CPA6: variants seen among roughly 807,000 people sequenced by gnomAD.
CPA6 encodes carboxypeptidase B.
CPA6 carries 58 observed loss-of-function variants against 63.3 expected under a neutral mutation model. That is an observed-to-expected ratio of 0.92 (90% CI 0.74 to 1.14). The LOEUF (loss-of-function observed/expected upper bound fraction) is 1.14, where lower values mean the gene tolerates loss of function less well. CPA6 is among the 50% of genes most tolerant of loss of function. CPA6 has a pLI of 0.00. For synonymous variants in CPA6, 185 were observed against 179.0 expected (o/e 1.03, Z -0.27); for missense variants, 565 against 526.6 (o/e 1.07, Z -0.71).
At chr8:67,465,932 C>G (rs1477689711) in intron 8 of CPA6, among the ~76,000 whole-genome samples, 1 of 152,078 alleles carries the variant, frequency 6.6e-6, no homozygotes, top group African/African-American at 2.4e-5. Context: ...CATTGTGTCT[C>G]TGCCAGAATT....
rs1811714617 is a variant in CPA6, at chr8:67,496,519, T to TATATA, written c.636+10267_636+10268insTATAT. Among the ~76,000 whole-genome samples the TATATA allele has an allele frequency of 9.9e-4, 93 of 94,124 alleles. 1 individual carries two copies. The highest frequency in any genetic ancestry group is 4.3e-3 in the African/African-American group (87 of 20,046). 61.7% of individuals were successfully genotyped at this position (94,124 alleles called of 152,430 possible). On this transcript the variant is annotated intron_variant, in intron 6 of 10. Transcript: ENST00000297770. ...TGTGCAACCATCACCACTATATAGT[T>TATATA]TATATATATATATATATATATATAT...
intron 1 of CPA6, among the ~76,000 whole-genome samples, chr8:67,652,936 C>T (rs2128991656): frequency 6.6e-6 from 1 of 151,268 alleles, no homozygotes; most frequent in Non-Finnish European, 1.5e-5. Flanking sequence ...AGGAAGGGAT[C>T]CAGTTTCAGC....
intron 1 of CPA6, among the ~76,000 whole-genome samples, chr8:67,697,580 C>T (rs1816934081): frequency 6.6e-6 from 1 of 152,184 alleles, no homozygotes; most frequent in African/African-American, 2.4e-5. Flanking sequence ...AAATTCTCTT[C>T]CGCTTTACCT....
chr8:67,568,581 T>A (rs533139786), intron 2 of CPA6, among the ~76,000 whole-genome samples: 56 of 152,144 alleles, frequency 3.7e-4, no homozygotes, highest in African/African-American at 1.3e-3. Context: ...ATCAGTGAAC[T>A]CAGAGGCAGA....
chr8:67,461,639 C>G (rs997741280), intron 8 of CPA6, among the ~76,000 whole-genome samples: 1 of 152,176 alleles, frequency 6.6e-6, no homozygotes, highest in Non-Finnish European at 1.5e-5. Context: ...TAGGGGCGGC[C>G]GGGCAGAGGT....
At chr8:67,573,732 A>T (rs1157894025) in intron 2 of CPA6, among the ~76,000 whole-genome samples, 2 of 151,686 alleles carry the variant, frequency 1.3e-5, no homozygotes, top group Non-Finnish European at 2.9e-5. Flanking sequence ...CTCTACTAAA[A>T]ATACAAAAAA....
intron 4 of CPA6, among the ~76,000 whole-genome samples, 175 bp from the exon 5 acceptor site, chr8:67,509,793 A>G (rs572290787): frequency 6.6e-6 from 1 of 152,292 alleles, no homozygotes; most frequent in African/African-American, 2.4e-5. Context: ...GATACTTAAA[A>G]TTACATTTAA....
chr8:67,513,300 C>T (rs1347093476), intron 3 of CPA6, among the ~76,000 whole-genome samples: 2 of 152,132 alleles, frequency 1.3e-5, no homozygotes, highest in African/African-American at 4.8e-5. Context: ...GCCAAATGAA[C>T]CTCCATGTCA....
intron 8 of CPA6, among the ~76,000 whole-genome samples, chr8:67,447,483 G>A (rs1249725162): frequency 1.4e-5 from 2 of 148,046 alleles, no homozygotes; most frequent in South Asian, 2.2e-4. Flanking sequence ...ATAGGGCCCT[G>A]GGCTGAAGGA....
intron 1 of CPA6, among the ~76,000 whole-genome samples, chr8:67,631,611 A>G (rs1815331820): frequency 6.6e-6 from 1 of 152,246 alleles, no homozygotes; most frequent in African/African-American, 2.4e-5. Context: ...GGGTGGGGCC[A>G]GATAAGGGAA....
intron 2 of CPA6, among the ~76,000 whole-genome samples, chr8:67,534,495 G>T (rs1417868770): frequency 6.6e-6 from 1 of 152,024 alleles, no homozygotes; most frequent in Non-Finnish European, 1.5e-5. Flanking sequence ...GTTGTAAATT[G>T]GTTATCAACC....
At chr8:67,645,614 C>T (rs766625606) in intron 1 of CPA6, among the ~76,000 whole-genome samples, 9 of 152,094 alleles carry the variant, frequency 5.9e-5, no homozygotes, top group East Asian at 3.9e-4. Context: ...GCCAATTAAA[C>T]GATATAACAC....
intron 1 of CPA6, among the ~76,000 whole-genome samples, chr8:67,648,101 A>G (rs896911924): frequency 2.2e-4 from 33 of 152,126 alleles, no homozygotes; most frequent in African/African-American, 7.7e-4. Flanking sequence ...TTTGGCCCCT[A>G]TAGGGGGCTT....
At chr8:67,521,666 A>T (rs1812260641) in intron 2 of CPA6, among the ~76,000 whole-genome samples, 1 of 152,242 alleles carries the variant, frequency 6.6e-6, no homozygotes, top group African/African-American at 2.4e-5. Context: ...GAACATGGTG[A>T]GATTGTGTCC....
chr8:67,503,568 G>A (rs555862648), intron 6 of CPA6, among the ~76,000 whole-genome samples: 68 of 149,262 alleles, frequency 4.6e-4, no homozygotes, highest in Middle Eastern at 6.9e-3. Context: ...TCGGCCTCCC[G>A]AAGTGCTGGG....
At chr8:67,725,985 A>G (rs1441091114) in intron 1 of CPA6, among the ~76,000 whole-genome samples, 2 of 152,182 alleles carry the variant, frequency 1.3e-5, no homozygotes, top group African/African-American at 4.8e-5. Flanking sequence ...GATTTGCGCT[A>G]TGATCTGTCA....
At chr8:67,606,006 T>C (rs966489321) in intron 2 of CPA6, among the ~76,000 whole-genome samples, 3 of 151,998 alleles carry the variant, frequency 2.0e-5, no homozygotes, top group African/African-American at 7.3e-5. Context: ...AAAAAGGCTA[T>C]GGAATATGGG....
intron 2 of CPA6, among the ~76,000 whole-genome samples, chr8:67,574,223 C>T (rs1813563894): frequency 6.6e-6 from 1 of 151,338 alleles, no homozygotes; most frequent in South Asian, 2.1e-4. Context: ...ACTAAAAATA[C>T]AAAAATTAGC....
At chr8:67,527,040 G>A (rs937295975) in intron 2 of CPA6, among the ~76,000 whole-genome samples, 7 of 152,166 alleles carry the variant, frequency 4.6e-5, no homozygotes, top group African/African-American at 1.7e-4. Flanking sequence ...TAGAATGGAT[G>A]GAAATAATCA....
Sources: allele counts gnomAD v4.1 joint callset (sites outside exome capture counted in the v4.1 genomes callset), GRCh38; gene constraint gnomAD v4.1.1; transcripts MANE v1.5; gene names NCBI Gene and HGNC (gene_info 2026-07-23, HGNC 2026-07-21).